Variants in NECAB1 observed in about 807,000 individuals in gnomAD.
The protein encoded by NECAB1 is N-terminal EF-hand calcium binding protein 1.
Under a neutral mutation model 57.5 loss-of-function variants are expected in NECAB1, and 29 were observed. That is an observed-to-expected ratio of 0.50 (90% CI 0.38 to 0.69). The LOEUF (loss-of-function observed/expected upper bound fraction) is 0.69, where lower values mean the gene tolerates loss of function less well. Among genes scored for constraint, NECAB1 ranks in the 30% least tolerant of loss-of-function variants. The pLI, the probability that NECAB1 is intolerant of heterozygous loss-of-function variation, is 0.00. For missense variants in NECAB1, 372 were observed against 413.8 expected (o/e 0.90, Z 0.88); for synonymous variants, 142 against 147.7 (o/e 0.96, Z 0.28).
intron 2 of NECAB1, among the ~76,000 whole-genome samples, chr8:90,819,997 C>T (rs1403557511): frequency 1.3e-5 from 2 of 151,862 alleles, no homozygotes; most frequent in Non-Finnish European, 2.9e-5. Context: ...TATGGAGGTT[C>T]CCCAAAGGCT....
chr8:90,848,983 G>A (rs903345394), intron 3 of NECAB1, among the ~76,000 whole-genome samples: 1 of 152,118 alleles, frequency 6.6e-6, no homozygotes, highest in Non-Finnish European at 1.5e-5. Flanking sequence ...GATCTCATGA[G>A]ACGTATTCAC....
intron 6 of NECAB1, among the ~76,000 whole-genome samples, chr8:90,921,517 A>T (rs1021828906): frequency 6.6e-6 from 1 of 152,042 alleles, no homozygotes; most frequent in Non-Finnish European, 1.5e-5. Flanking sequence ...CAAAATACAA[A>T]GAAATTAGCC....
At chr8:90,801,610 G>A in intron 1 of NECAB1, 81 bp from the exon 2 acceptor site, 1 of 828,050 alleles carries the variant, frequency 1.2e-6, no homozygotes, top group South Asian at 1.7e-5. Flanking sequence ...ATTTAATTAT[G>A]AATAAATTAT....
intron 9 of NECAB1, among the ~76,000 whole-genome samples, chr8:90,934,915 T>C (rs908164431): frequency 2.6e-5 from 4 of 152,054 alleles, no homozygotes; most frequent in African/African-American, 9.7e-5. Context: ...AAAAAGTACA[T>C]TAAGATGCAA....
At chr8:90,839,679 C>CGA (rs1248952141) in intron 3 of NECAB1, among the ~76,000 whole-genome samples, 1 of 152,164 alleles carries the variant, frequency 6.6e-6, no homozygotes, top group South Asian at 2.1e-4. Context: ...AGCCTGTAGA[C>CGA]GAGAGAGAGT....
At chr8:90,853,995 G>C (rs1158018261) in intron 3 of NECAB1, among the ~76,000 whole-genome samples, 1 of 152,156 alleles carries the variant, frequency 6.6e-6, no homozygotes, top group African/African-American at 2.4e-5. Flanking sequence ...AATCATAGGG[G>C]ATGAGGGGTT....
At chr8:90,803,165 G>A (rs1008520091) in intron 2 of NECAB1, among the ~76,000 whole-genome samples, 5 of 152,090 alleles carry the variant, frequency 3.3e-5, no homozygotes, top group Admixed American at 6.6e-5. Context: ...CCAAAGTGCC[G>A]GGATTACAAG....
At chr8:90,897,822 G>T (rs1391262827) in intron 5 of NECAB1, among the ~76,000 whole-genome samples, 2 of 152,142 alleles carry the variant, frequency 1.3e-5, no homozygotes, top group Non-Finnish European at 2.9e-5. Context: ...GTATTGGCGT[G>T]AAATAAATGA....
intron 10 of NECAB1, among the ~76,000 whole-genome samples, chr8:90,942,631 C>A (rs960117045): frequency 1.3e-5 from 2 of 152,156 alleles, no homozygotes; most frequent in African/African-American, 4.8e-5. Flanking sequence ...CGCCTATAAT[C>A]CCAGCACTTT....
At chr8:90,907,716 T>G (rs1018237286) in intron 5 of NECAB1, among the ~76,000 whole-genome samples, 1 of 152,200 alleles carries the variant, frequency 6.6e-6, no homozygotes, top group African/African-American at 2.4e-5. Context: ...GCACTTTATA[T>G]TTGATGAAGT....
At chr8:90,812,209 G>A (rs1314618078) in intron 2 of NECAB1, among the ~76,000 whole-genome samples, 2 of 152,170 alleles carry the variant, frequency 1.3e-5, no homozygotes, top group Non-Finnish European at 2.9e-5. Context: ...TCTAATGCCT[G>A]TGTTAAAATA....
intron 3 of NECAB1, among the ~76,000 whole-genome samples, chr8:90,851,685 C>T (rs1305052949): frequency 6.6e-6 from 1 of 152,076 alleles, no homozygotes; most frequent in East Asian, 1.9e-4. Context: ...TCCCATATAC[C>T]CCCTGCATCC....
intron 2 of NECAB1, among the ~76,000 whole-genome samples, chr8:90,810,404 G>A (rs956364500): frequency 2.6e-5 from 4 of 152,074 alleles, no homozygotes; most frequent in East Asian, 1.9e-4. Context: ...GCTAGATGGC[G>A]GGAATACAAA....
intron 6 of NECAB1, among the ~76,000 whole-genome samples, chr8:90,920,628 T>C (rs1336106425): frequency 6.6e-6 from 1 of 152,202 alleles, no homozygotes; most frequent in East Asian, 1.9e-4. Context: ...CTCATCTGGC[T>C]CACTTCTCCT....
chr8:90,815,669 TTC>T, intron 2 of NECAB1, among the ~76,000 whole-genome samples: 1 of 152,040 alleles, frequency 6.6e-6, no homozygotes, highest in Non-Finnish European at 1.5e-5. Flanking sequence ...TCAGACTAGC[TTC>T]TTTCAGTTAG....
chr8:90,931,603 T>C (rs564040135), intron 8 of NECAB1, among the ~76,000 whole-genome samples: 2 of 152,308 alleles, frequency 1.3e-5, no homozygotes, highest in South Asian at 4.1e-4. Context: ...GCTTGATCCC[T>C]GTAGAAAACA....
chr8:90,803,054 A>C (rs1811787356), intron 2 of NECAB1, among the ~76,000 whole-genome samples: 1 of 151,768 alleles, frequency 6.6e-6, no homozygotes, highest in Non-Finnish European at 1.5e-5. Flanking sequence ...ACTCCATCAC[A>C]CCCGGCTAAT....
intron 1 of NECAB1, 37 bp from the exon 2 acceptor site, chr8:90,801,654 A>C: frequency 7.1e-7 from 1 of 1,416,772 alleles, no homozygotes; most frequent in Non-Finnish European, 9.6e-7. Context: ...ATATTTATCT[A>C]AAATGCTGAT....
intron 5 of NECAB1, among the ~76,000 whole-genome samples, chr8:90,909,162 A>G (rs1809767244): frequency 6.6e-6 from 1 of 152,100 alleles, no homozygotes. Context: ...CAAGGATCAC[A>G]TCTTTTAGTT....
Sources: gnomAD v4.1 joint callset for allele counts (sites outside exome capture counted in the v4.1 genomes callset) on GRCh38, gnomAD v4.1.1 for gene constraint, MANE v1.5 for transcripts, NCBI Gene and HGNC (gene_info 2026-07-23, HGNC 2026-07-21) for gene names.